KAZN: variants seen among roughly 807,000 people sequenced by gnomAD.
KAZN encodes the protein kazrin.
In KAZN, 40 loss-of-function variants were observed where a neutral mutation model predicts 87.4. That is an observed-to-expected ratio of 0.46 (90% CI 0.36 to 0.60). The LOEUF (loss-of-function observed/expected upper bound fraction) is 0.60. Ranked by LOEUF, KAZN falls within the 20% of genes least tolerant of loss-of-function variation. The pLI is 0.00. For synonymous variants in KAZN, 466 were observed against 458.3 expected (o/e 1.02, Z -0.22); for missense variants, 898 against 1,073.9 (o/e 0.84, Z 2.29).
At chr1:14,373,671 AG>A (rs1312808453) in intron 2 of KAZN, among the ~76,000 whole-genome samples, 2 of 152,132 alleles carry the variant, frequency 1.3e-5, no homozygotes, top group East Asian at 1.9e-4. Context: ...CCAAAGCAAA[AG>A]TTTGTCTTCT....
intron 2 of KAZN, among the ~76,000 whole-genome samples, chr1:14,269,776 A>T (rs1029001119): frequency 9.2e-5 from 14 of 152,300 alleles, no homozygotes; most frequent in Middle Eastern, 3.4e-3. Flanking sequence ...GGGCAGGATC[A>T]CCTGAGGTGA....
intron 2 of KAZN, among the ~76,000 whole-genome samples, chr1:14,217,171 T>C (rs911723961): frequency 1.3e-5 from 2 of 152,204 alleles, no homozygotes; most frequent in Non-Finnish European, 2.9e-5. Flanking sequence ...TCTTGCCAGA[T>C]GCTGACAACT....
chr1:14,542,295 G>A (rs1281068222), intron 2 of KAZN, among the ~76,000 whole-genome samples: 3 of 138,398 alleles, frequency 2.2e-5, no homozygotes, highest in Non-Finnish European at 3.1e-5. Context: ...GGACTGTTGT[G>A]GGGTGGGGGG....
At chr1:14,843,559 G>T (rs1648287160) in intron 1 of KAZN, among the ~76,000 whole-genome samples, 1 of 152,234 alleles carries the variant, frequency 6.6e-6, no homozygotes, top group African/African-American at 2.4e-5. Context: ...TGGCAGACAA[G>T]GCTGGGGTGG....
intron 1 of KAZN, among the ~76,000 whole-genome samples, chr1:14,729,067 T>C (rs578083949): frequency 6.6e-6 from 1 of 152,262 alleles, no homozygotes; most frequent in South Asian, 2.1e-4. Flanking sequence ...CCCTTGACCC[T>C]ATCCTTGAGG....
chr1:14,608,095 G>C (rs891915953), intron 1 of KAZN, among the ~76,000 whole-genome samples: 1 of 152,224 alleles, frequency 6.6e-6, no homozygotes, highest in African/African-American at 2.4e-5. Context: ...AGGTTCACAC[G>C]TTTGACTGAC....
At chr1:14,500,260 G>T (rs1571803052) in intron 2 of KAZN, among the ~76,000 whole-genome samples, 1 of 152,102 alleles carries the variant, frequency 6.6e-6, no homozygotes, top group East Asian at 1.9e-4. Context: ...ACGCTGGCAT[G>T]TCAAAGAGCC....
chr1:14,300,142 T>A (rs1654439548), intron 2 of KAZN, among the ~76,000 whole-genome samples: 1 of 151,994 alleles, frequency 6.6e-6, no homozygotes, highest in Non-Finnish European at 1.5e-5. Context: ...GTTTGGAGTG[T>A]GTTGAGGAAG....
chr1:14,646,539 G>A (rs1316533859), intron 1 of KAZN, among the ~76,000 whole-genome samples: 2 of 152,108 alleles, frequency 1.3e-5, no homozygotes, highest in Non-Finnish European at 2.9e-5. Flanking sequence ...TTGGGCTATG[G>A]CAGGGTTTCT....
intron 2 of KAZN, among the ~76,000 whole-genome samples, chr1:14,995,027 G>C (rs1667728998): frequency 6.6e-6 from 1 of 152,244 alleles, no homozygotes; most frequent in African/African-American, 2.4e-5. Flanking sequence ...GGAGGAGGCT[G>C]AGTCAGTAGG....
chr1:15,097,497 G>A (rs893905486), intron 10 of KAZN, among the ~76,000 whole-genome samples: 14 of 152,054 alleles, frequency 9.2e-5, no homozygotes, highest in African/African-American at 2.9e-4. Context: ...CAACATCAAT[G>A]CAGGATAGAC....
At chr1:14,573,788 AG>A (rs1441984548) in intron 2 of KAZN, among the ~76,000 whole-genome samples, 2 of 152,194 alleles carry the variant, frequency 1.3e-5, no homozygotes, top group African/African-American at 4.8e-5. Flanking sequence ...CAAGCTGTCC[AG>A]TGTACTTTAC....
intron 1 of KAZN, among the ~76,000 whole-genome samples, chr1:14,791,413 C>T (rs951523292): frequency 1.3e-5 from 2 of 152,216 alleles, no homozygotes; most frequent in African/African-American, 2.4e-5. Context: ...TTTCCAAACT[C>T]GCCCACTGGC....
intron 1 of KAZN, among the ~76,000 whole-genome samples, chr1:14,083,534 C>T (rs916257908): frequency 6.6e-6 from 1 of 152,164 alleles, no homozygotes; most frequent in African/African-American, 2.4e-5. Flanking sequence ...AGCATGGTGC[C>T]TGGCTCAGAA....
At chr1:14,320,195 G>T (rs1004345199) in intron 2 of KAZN, among the ~76,000 whole-genome samples, 2 of 152,130 alleles carry the variant, frequency 1.3e-5, no homozygotes, top group Middle Eastern at 3.4e-3. Context: ...CAAATCTTTG[G>T]TAGAATGAGG....
At chr1:14,802,930 G>T (rs1646087178) in intron 1 of KAZN, among the ~76,000 whole-genome samples, 1 of 152,190 alleles carries the variant, frequency 6.6e-6, no homozygotes, top group Non-Finnish European at 1.5e-5. Context: ...CCAACCCACA[G>T]AGGGGCTGAG....
At chr1:13,991,402 C>T (rs942318441) in intron 1 of KAZN, among the ~76,000 whole-genome samples, 1 of 151,796 alleles carries the variant, frequency 6.6e-6, no homozygotes, top group Non-Finnish European at 1.5e-5. Context: ...AACAAACCTG[C>T]ACGTTCTGCA....
At chr1:14,074,465 C>T (rs1269677474) in intron 1 of KAZN, among the ~76,000 whole-genome samples, 1 of 152,186 alleles carries the variant, frequency 6.6e-6, no homozygotes, top group Non-Finnish European at 1.5e-5. Context: ...GGGACCCTCT[C>T]CTGGGGATGG....
rs143384426 is a variant in KAZN, at chr1:14,501,206, A to G, written c.250-97777A>G. 5.8e-3 allele frequency among the ~76,000 whole-genome samples: 881 copies of G among 152,180 alleles called. 8 individuals are homozygous for G. Among genetic ancestry groups the G allele is most frequent in the African/African-American group, 0.02 (829 of 41,560 alleles). On this transcript the variant is annotated intron_variant, in intron 2 of 16. Coordinates refer to the KAZN transcript ENST00000636203. ...GAATGTTTTCCCTCCAAGATCAGAA[A>G]TAAGACAAAGATATTCATTCTCACT... is the stretch of plus-strand genomic sequence containing the variant.
Sources: gnomAD v4.1 joint callset for allele counts (sites outside exome capture counted in the v4.1 genomes callset) on GRCh38, gnomAD v4.1.1 for gene constraint, MANE v1.5 for transcripts, NCBI Gene and HGNC (gene_info 2026-07-23, HGNC 2026-07-21) for gene names.